OXSR1: variants seen among roughly 807,000 people sequenced by gnomAD.
OXSR1 encodes oxidative stress responsive kinase 1.
A neutral mutation model predicts 79.8 loss-of-function variants in OXSR1; 24 were observed. The observed-to-expected ratio is 0.30, with a 90% CI of 0.22 to 0.42. The LOEUF is 0.42. Among genes scored for constraint, OXSR1 ranks in the 10% least tolerant of loss-of-function variants. OXSR1 has a pLI of 1.00. For synonymous variants in OXSR1, 226 were observed against 209.2 expected, an observed-to-expected ratio of 1.08 and a Z score of -0.69; for missense variants, 430 against 618.4, an observed-to-expected ratio of 0.70 and a Z score of 3.23.
chr3:38,168,717 G>A (rs766946361), intron 1 of OXSR1, among the ~76,000 whole-genome samples: 9 of 152,104 alleles, frequency 5.9e-5, no homozygotes, highest in Non-Finnish European at 1.3e-4. Flanking sequence ...TATACTTTCT[G>A]TCTCTATAGA....
upstream of OXSR1, chr3:38,165,247 G>C (rs1701414373): frequency 6.6e-6 from 1 of 152,444 alleles, no homozygotes; most frequent in African/African-American, 2.4e-5. Flanking sequence ...GGCGCTAGAA[G>C]TGGCTCTGCC....
intron 1 of OXSR1, among the ~76,000 whole-genome samples, chr3:38,173,470 T>C (rs1701621280): frequency 6.6e-6 from 1 of 152,232 alleles, no homozygotes; most frequent in South Asian, 2.1e-4. Flanking sequence ...TTTACCTTAA[T>C]TACATTGCTT....
rs747915765 is a variant in OXSR1 at position 38,253,883 on chromosome 3, T to C, written c.*992T>C. 1 of 273,694 alleles carries C rather than the reference T, an allele frequency of 3.7e-6. No homozygotes were observed. The allele number at this position is 273,694 out of a possible 1,614,324, so 17.0% of individuals were successfully genotyped here. On this transcript the variant is annotated 3_prime_UTR_variant, in exon 18 of 18. Transcript: ENST00000311806. ...CTGCCTTCTGCCTGCTCTCCTGCAC[T>C]GACCCTTTGGAGGGGGTCTCTGTGT...
At position 38,246,113 on chromosome 3, in the gene OXSR1, A is replaced by C. The variant is rs1387964926; in HGVS notation, c.1149A>C (p.Gln383His). The C allele has an allele frequency of 1.2e-6, 2 of 1,613,690 alleles. No homozygotes were observed. Among genetic ancestry groups the C allele is most frequent in the Non-Finnish European group, 1.7e-6 (2 of 1,179,802 alleles). ...CTGATCCTGTGGGTACTTTGCTCCAAGTTCCAGAACAGATCTCTGCTCATC... is the reference window on the plus strand; with the variant it reads ...CTGATCCTGTGGGTACTTTGCTCCACGTTCCAGAACAGATCTCTGCTCATC... ...PTTDPVGTLL[Q>H]VPEQISAHLP... is the part of the protein sequence containing the mutation. The change falls in exon 13 of 18, where the codon CAA (glutamine) becomes CAC (histidine). Residue 383 changes from glutamine to histidine, a missense_variant. Transcript: ENST00000311806.
At chr3:38,206,744 A>G (rs1438299634) in intron 4 of OXSR1, among the ~76,000 whole-genome samples, 15 of 152,250 alleles carry the variant, frequency 9.9e-5, no homozygotes. Flanking sequence ...CTATTGAGTT[A>G]GCAACCAAAA....
At chr3:38,165,411 A>C, upstream of OXSR1, 1 of 166,554 alleles carries the variant, frequency 6.0e-6, no homozygotes, top group East Asian at 1.8e-4. Context: ...TCGGGTTTCT[A>C]GCTTGCTCAC....
intron 1 of OXSR1, among the ~76,000 whole-genome samples, chr3:38,179,611 G>T (rs1701743191): frequency 6.6e-6 from 1 of 152,000 alleles, no homozygotes; most frequent in Non-Finnish European, 1.5e-5. Context: ...ATGTACAATT[G>T]TCCCTCAGTA....
At position 38,216,135 on chromosome 3, in the gene OXSR1, C is replaced by A; in HGVS notation, c.474C>A (p.Gly158=). The A allele has an allele frequency of 1.3e-6, 2 of 1,591,190 alleles. No homozygotes were observed. The highest frequency in any genetic ancestry group is 1.7e-6 in the Non-Finnish European group (2 of 1,164,456). The change falls in exon 5 of 18, where the codon GGC becomes GGA. Residue 158 remains glycine, a synonymous_variant. Transcript: ENST00000311806. ...KAGNILLGED[G]SVQIADFGVS... Reference sequence around the variant, plus strand: ...GAAACATTCTTCTTGGAGAAGATGGCTCAGTACAGATTGCAGGTAATGATT... The same window carrying A: ...GAAACATTCTTCTTGGAGAAGATGGATCAGTACAGATTGCAGGTAATGATT...
intron 2 of OXSR1, among the ~76,000 whole-genome samples, chr3:38,188,069 A>G (rs1437208256): frequency 6.6e-6 from 1 of 152,238 alleles, no homozygotes; most frequent in Admixed American, 6.5e-5. Flanking sequence ...AATAGAAGGC[A>G]AGAAAAAGAA....
At chr3:38,228,496 G>A (rs953445473) in intron 8 of OXSR1, among the ~76,000 whole-genome samples, 10 of 152,162 alleles carry the variant, frequency 6.6e-5, no homozygotes, top group African/African-American at 2.4e-4. Context: ...TACCTGGGGA[G>A]TTTTAAACAT....
intron 10 of OXSR1, 107 bp from the exon 11 acceptor site, chr3:38,236,732 A>G: frequency 2.0e-6 from 2 of 993,714 alleles, no homozygotes; most frequent in East Asian, 2.6e-5. Flanking sequence ...GGGGAAAATG[A>G]TTATCTACTT....
intron 4 of OXSR1, among the ~76,000 whole-genome samples, chr3:38,204,150 C>A (rs1270891325): frequency 6.6e-6 from 1 of 152,138 alleles, no homozygotes; most frequent in Admixed American, 6.5e-5. Flanking sequence ...TGCCTGGCTA[C>A]CCCCAGTGTT....
At position 38,183,016 on chromosome 3, in the gene OXSR1, T is replaced by C. The variant is rs1701815433; in HGVS notation, c.84T>C (p.Thr28=). ...ELQEVIGSGA[T]AVVQAAYCAP... is the part of the protein sequence containing the mutation. ...ATTTGTTTTTAGGGAGTGGAGCAAC[T>C]GCTGTAGTCCAAGCAGCTTATTGTG... The change falls in exon 2 of 18, where the codon ACT becomes ACC. Residue 28 remains threonine, a synonymous_variant. Transcript: ENST00000311806. 1 of 1,606,090 alleles carries C rather than the reference T, an allele frequency of 6.2e-7. No homozygotes were observed. The highest frequency in any genetic ancestry group is 8.5e-7 in the Non-Finnish European group (1 of 1,174,788).
At chr3:38,218,910 G>T (rs1702536660) in intron 5 of OXSR1, among the ~76,000 whole-genome samples, 1 of 152,052 alleles carries the variant, frequency 6.6e-6, no homozygotes, top group Non-Finnish European at 1.5e-5. Flanking sequence ...TGTCTTCCTT[G>T]ATCATTACTT....
chr3:38,187,495 A>C (rs1701906560), intron 2 of OXSR1, among the ~76,000 whole-genome samples: 1 of 152,214 alleles, frequency 6.6e-6, no homozygotes, highest in Admixed American at 6.5e-5. Context: ...ATAAATTAAC[A>C]TTATTTGGGT....
At chr3:38,198,484 C>A (rs192104255) in intron 3 of OXSR1, among the ~76,000 whole-genome samples, 35 of 152,280 alleles carry the variant, frequency 2.3e-4, no homozygotes, top group Admixed American at 2.1e-3. Context: ...ACTAGACATC[C>A]AAAGGAGATG....
At chr3:38,220,601 C>T (rs1193472168) in intron 5 of OXSR1, among the ~76,000 whole-genome samples, 1 of 152,132 alleles carries the variant, frequency 6.6e-6, no homozygotes, top group Admixed American at 6.6e-5. Flanking sequence ...TTTTGAAATA[C>T]ACTAGGAAAT....
chr3:38,240,164 A>G lies in OXSR1; in HGVS notation c.1075-2579A>G, dbSNP rs192906883. ...TAACCTATGAATATAGTATTTGACT[A>G]TGTGTTCTCAGGTGGAGTTGATGGG... On this transcript the variant is annotated intron_variant, in intron 11 of 17. Coordinates refer to ENST00000311806, the MANE Select transcript of OXSR1 (RefSeq NM_005109.3). 2.5e-3 allele frequency among the ~76,000 whole-genome samples: 384 copies of G among 152,248 alleles called. 4 individuals are homozygous for G. Among genetic ancestry groups the G allele is most frequent in the African/African-American group, 7.9e-3 (327 of 41,556 alleles).
chr3:38,252,305 C>T, intron 16 of OXSR1, 23 bp from the exon 17 acceptor site: 1 of 1,545,702 alleles, frequency 6.5e-7, no homozygotes. Context: ...CATTCATTAC[C>T]TTCTCTGTTT....
Sources: allele counts gnomAD v4.1 joint callset (sites outside exome capture counted in the v4.1 genomes callset), GRCh38; gene constraint gnomAD v4.1.1; transcripts MANE v1.5; gene names NCBI Gene and HGNC (gene_info 2026-07-23, HGNC 2026-07-21).